Variants in USP32 observed in about 807,000 individuals in gnomAD.
USP32 encodes ubiquitin specific peptidase 32.
A neutral mutation model predicts 204.8 loss-of-function variants in USP32; 59 were observed. The ratio of observed to expected loss-of-function variants is 0.29; its 90% CI spans 0.23 to 0.36. The LOEUF is 0.36. Ranked by LOEUF, USP32 falls within the 10% of genes least tolerant of loss-of-function variation. The probability of loss-of-function intolerance (pLI) is 1.00; values close to 1 mark genes in which losing one functional copy is unlikely to be tolerated. For missense variants in USP32, 1,160 were observed against 1,946.4 expected (o/e 0.60, Z 7.60); for synonymous variants, 517 against 678.4 (o/e 0.76, Z 3.70).
At chr17:60,265,354 C>T in intron 9 of USP32, 58 bp downstream of exon 9, 2 of 1,228,444 alleles carry the variant, frequency 1.6e-6, no homozygotes, top group Admixed American at 1.9e-5. Context: ...AGCGATACAT[C>T]CCAAATGGAG....
chr17:60,349,628 A>ATATATAT (rs2088895197), intron 1 of USP32, among the ~76,000 whole-genome samples: 1 of 100,850 alleles, frequency 9.9e-6, no homozygotes, highest in African/African-American at 6.2e-5. Context: ...TATATATTAT[A>ATATATAT]TATATATATA....
chr17:60,379,103 T>C (rs1293635238), intron 1 of USP32, among the ~76,000 whole-genome samples: 2 of 152,152 alleles, frequency 1.3e-5, no homozygotes, highest in Non-Finnish European at 2.9e-5. Flanking sequence ...TGATCATGAC[T>C]AAGCCATAAT....
chr17:60,311,668 C>T (rs2087858145), intron 2 of USP32, among the ~76,000 whole-genome samples: 1 of 151,976 alleles, frequency 6.6e-6, no homozygotes. Context: ...ACTAAAAATA[C>T]AAAAAAATTA....
chr17:60,227,341 G>T (rs1331245675), intron 12 of USP32, among the ~76,000 whole-genome samples: 1 of 149,610 alleles, frequency 6.7e-6, no homozygotes, highest in African/African-American at 2.5e-5. Flanking sequence ...GTGATCTCGG[G>T]TCACTGCAAC....
intron 1 of USP32, among the ~76,000 whole-genome samples, chr17:60,406,572 A>T (rs112822370): frequency 6.7e-6 from 1 of 148,452 alleles, no homozygotes; most frequent in African/African-American, 2.5e-5. Flanking sequence ...CTGGAGTGCA[A>T]TGGCATGACC....
rs1317906320 is a variant in USP32, at chr17:60,204,802, AG to A, written c.3249+644del. On this transcript the variant is annotated intron_variant, in intron 26 of 33. Transcript: ENST00000300896. ...TCTTTCTTTCTTTTCTTTTTCAGAC[AG>A]GGTCTTGCCCAGCCTGGAATGTGTG... 2.6e-5 allele frequency among the ~76,000 whole-genome samples: 4 copies of A among 151,318 alleles called. No homozygotes were observed. In the East Asian group the frequency reaches 7.8e-4, roughly 29 times the overall value.
intron 11 of USP32, among the ~76,000 whole-genome samples, chr17:60,242,835 T>G (rs1469659792): frequency 1.3e-5 from 2 of 152,322 alleles, no homozygotes; most frequent in South Asian, 4.1e-4. Context: ...TTTTTTGTCA[T>G]TTTTTTGAAG....
chr17:60,280,197 A>G lies in USP32; in HGVS notation c.571+8326T>C, dbSNP rs1353445780. 2.6e-5 allele frequency among the ~76,000 whole-genome samples: 4 copies of G among 152,064 alleles called. No homozygotes were observed. In the East Asian group the frequency reaches 7.7e-4, roughly 29 times the overall value. Reference sequence around the variant, plus strand: ...CTGCAACCTCCACCTCCTGGGTTCAAGCGATTCTCCTGCCTCAGCCTCCCG... The same window carrying G: ...CTGCAACCTCCACCTCCTGGGTTCAGGCGATTCTCCTGCCTCAGCCTCCCG... On this transcript the variant is annotated intron_variant, in intron 5 of 33. Transcript: ENST00000300896.
chr17:60,226,284 T>G, intron 12 of USP32, 53 bp from the exon 13 acceptor site: 3 of 1,436,188 alleles, frequency 2.1e-6, no homozygotes, highest in Non-Finnish European at 2.8e-6. Context: ...CTGACAACTA[T>G]GTAGTCTTCA....
intron 12 of USP32, among the ~76,000 whole-genome samples, chr17:60,230,162 G>C (rs2145607327): frequency 6.6e-6 from 1 of 152,256 alleles, no homozygotes; most frequent in East Asian, 1.9e-4. Flanking sequence ...GAGGAAGATT[G>C]GGTCTATTTG....
At chr17:60,377,911 C>A in intron 1 of USP32, among the ~76,000 whole-genome samples, 1 of 152,166 alleles carries the variant, frequency 6.6e-6, no homozygotes, top group Non-Finnish European at 1.5e-5. Context: ...AAACTACATA[C>A]ATTATTTCAT....
At chr17:60,367,371 G>A (rs1188536357) in intron 1 of USP32, among the ~76,000 whole-genome samples, 10 of 152,244 alleles carry the variant, frequency 6.6e-5, no homozygotes, top group South Asian at 6.2e-4. Context: ...TTGGCAGGGC[G>A]TGATGGCTCA....
intron 2 of USP32, among the ~76,000 whole-genome samples, chr17:60,340,149 C>T (rs1167883104): frequency 1.3e-5 from 2 of 152,090 alleles, no homozygotes; most frequent in African/African-American, 4.8e-5. Flanking sequence ...TATGCACTGA[C>T]CCTTCCCTAG....
intron 1 of USP32, among the ~76,000 whole-genome samples, chr17:60,402,988 G>A (rs1290563547): frequency 2.0e-5 from 3 of 152,222 alleles, no homozygotes; most frequent in South Asian, 2.1e-4. Flanking sequence ...AGAGAAGGGG[G>A]CTGGTGTAGT....
At chr17:60,359,402 G>T (rs2089155082) in intron 1 of USP32, among the ~76,000 whole-genome samples, 1 of 152,148 alleles carries the variant, frequency 6.6e-6, no homozygotes, top group Non-Finnish European at 1.5e-5. Flanking sequence ...GATAAAGACA[G>T]AATTTTTTAA....
chr17:60,390,448 C>A (rs1045830222), intron 1 of USP32, among the ~76,000 whole-genome samples: 6 of 152,176 alleles, frequency 3.9e-5, no homozygotes, highest in African/African-American at 1.4e-4. Flanking sequence ...GGAAACACAT[C>A]AAGAATTTGG....
chr17:60,381,440 CAA>C (rs397784557), intron 1 of USP32, among the ~76,000 whole-genome samples: 49 of 99,114 alleles, frequency 4.9e-4, no homozygotes, highest in Admixed American at 6.6e-4. Flanking sequence ...GACCCTGTCT[CAA>C]AAAAAAAAAA....
intron 1 of USP32, among the ~76,000 whole-genome samples, chr17:60,347,158 CTG>C (rs1435028393): frequency 4.6e-5 from 7 of 151,996 alleles, no homozygotes; most frequent in African/African-American, 1.4e-4. Flanking sequence ...TGAAGCTAGA[CTG>C]AGAGTAGAAG....
At chr17:60,387,062 T>C (rs915169145) in intron 1 of USP32, among the ~76,000 whole-genome samples, 7 of 152,184 alleles carry the variant, frequency 4.6e-5, no homozygotes, top group Non-Finnish European at 7.4e-5. Flanking sequence ...TAAAAATTCA[T>C]AGGAAGGCAA....
Sources: gnomAD v4.1 joint callset for allele counts (sites outside exome capture counted in the v4.1 genomes callset) on GRCh38, gnomAD v4.1.1 for gene constraint, MANE v1.5 for transcripts, NCBI Gene and HGNC (gene_info 2026-07-23, HGNC 2026-07-21) for gene names.